Variants in RORA observed in about 807,000 individuals in gnomAD.
The protein encoded by RORA is RAR related orphan receptor A, also known as nuclear receptor ROR-alpha.
Under a neutral mutation model 69.5 loss-of-function variants are expected in RORA, and 7 were observed. The ratio of observed to expected loss-of-function variants is 0.10; its 90% confidence interval spans 0.06 to 0.19. The LOEUF is 0.19. Among genes scored for constraint, RORA ranks in the 10% least tolerant of loss-of-function variants. RORA has a pLI of 1.00. For synonymous variants in RORA, 261 were observed against 240.8 expected (o/e 1.08, Z -0.78); for missense variants, 457 against 663.0 (o/e 0.69, Z 3.41).
At chr15:60,836,195 G>A (rs1358620903) in intron 1 of RORA, among the ~76,000 whole-genome samples, 2 of 152,178 alleles carry the variant, frequency 1.3e-5, no homozygotes, top group Non-Finnish European at 2.9e-5. Flanking sequence ...ATGTCATTCC[G>A]TGGGAAAAGA....
At chr15:60,584,664 A>C (rs1398634679) in intron 2 of RORA, among the ~76,000 whole-genome samples, 1 of 152,236 alleles carries the variant, frequency 6.6e-6, no homozygotes, top group Non-Finnish European at 1.5e-5. Flanking sequence ...TGCTGAAACA[A>C]ATTTATTTAC....
chr15:61,043,474 T>C (rs1896878996), intron 1 of RORA, among the ~76,000 whole-genome samples: 1 of 152,272 alleles, frequency 6.6e-6, no homozygotes, highest in Non-Finnish European at 1.5e-5. Flanking sequence ...AAATGTTTTC[T>C]ACTGTCACTA....
Position 60,954,439 on chromosome 15 carries a change from T to TTA in RORA, c.166+274613_166+274614insTA, listed in dbSNP as rs1555397322. Among the ~76,000 whole-genome samples the TTA allele has an allele frequency of 8.9e-5, 12 of 135,444 alleles. 2 individuals are homozygous for TTA. The South Asian group carries it at 2.6e-3, about 29-fold the overall frequency. 88.9% of individuals were successfully genotyped at this position (135,444 alleles called of 152,430 possible). A position where few individuals can be genotyped will look rare whatever the true frequency, so the allele number is the denominator to read the frequency against. On this transcript the variant is annotated intron_variant, in intron 1 of 10. Transcript: ENST00000335670. Reference sequence around the variant, plus strand: ...CACATGTACCCTAAAACTTAAAGTATAAAAAAAAAAAAAAAGAACTTCCCA... The same window carrying TTA: ...CACATGTACCCTAAAACTTAAAGTATTAAAAAAAAAAAAAAAAGAACTTCCCA...
At chr15:61,067,667 G>A (rs60034353) in intron 1 of RORA, among the ~76,000 whole-genome samples, 1,804 of 152,244 alleles carry the variant, frequency 0.012, 33 homozygotes, top group African/African-American at 0.041. Context: ...TAAATGGTGG[G>A]ACAAGGATTT....
At chr15:61,209,520 T>A (rs1052222814) in intron 1 of RORA, among the ~76,000 whole-genome samples, 4 of 152,252 alleles carry the variant, frequency 2.6e-5, no homozygotes, top group Non-Finnish European at 5.9e-5. Flanking sequence ...TCAACCTATG[T>A]TATGAAATGA....
intron 1 of RORA, among the ~76,000 whole-genome samples, chr15:61,130,214 CA>C (rs2079178741): frequency 6.6e-6 from 1 of 152,142 alleles, no homozygotes; most frequent in Non-Finnish European, 1.5e-5. Flanking sequence ...CTGGTTATTT[CA>C]TCTATAAAAT....
intron 1 of RORA, among the ~76,000 whole-genome samples, chr15:60,709,402 C>A (rs554628256): frequency 6.6e-6 from 1 of 152,288 alleles, no homozygotes; most frequent in South Asian, 2.1e-4. Context: ...AGGATTAACA[C>A]TCGAGCTCCT....
chr15:60,748,670 G>C (rs563238947), intron 1 of RORA, among the ~76,000 whole-genome samples: 3 of 152,116 alleles, frequency 2.0e-5, no homozygotes, highest in Non-Finnish European at 4.4e-5. Context: ...AGGCCTCCCA[G>C]GTCTCAGCCT....
Position 61,032,237 on chromosome 15 carries a change from T to C in RORA, c.166+196816A>G, listed in dbSNP as rs550537167. 2.0e-5 allele frequency among the ~76,000 whole-genome samples: 3 copies of C among 152,306 alleles called. No individual in the cohort carries two copies. In the South Asian group the frequency reaches 6.2e-4, roughly 32 times the overall value. On this transcript the variant is annotated intron_variant, in intron 1 of 10. Coordinates refer to ENST00000335670, the MANE Select transcript of RORA (RefSeq NM_134261.3). ...TTTTACCAGTTGTGGTTACCATTTG[T>C]ACAGATCCCTTAGAAAGCTATAAAA...
intron 1 of RORA, among the ~76,000 whole-genome samples, chr15:60,907,395 CA>C (rs1320638582): frequency 6.6e-6 from 1 of 152,188 alleles, no homozygotes; most frequent in Non-Finnish European, 1.5e-5. Flanking sequence ...AGTCAGGAGT[CA>C]GGGGCCATCC....
At chr15:61,203,970 C>T (rs2079917206) in intron 1 of RORA, among the ~76,000 whole-genome samples, 1 of 152,160 alleles carries the variant, frequency 6.6e-6, no homozygotes, top group Admixed American at 6.5e-5. Context: ...TTCACTGAGG[C>T]TGCTTAGTGT....
intron 2 of RORA, among the ~76,000 whole-genome samples, chr15:60,579,529 A>C (rs1596006461): frequency 6.6e-6 from 1 of 152,218 alleles, no homozygotes; most frequent in Non-Finnish European, 1.5e-5. Flanking sequence ...AAATTACAGT[A>C]CTGTTGATTT....
At chr15:60,942,944 C>T (rs113056867) in intron 1 of RORA, among the ~76,000 whole-genome samples, 1,804 of 152,316 alleles carry the variant, frequency 0.012, 38 homozygotes, top group African/African-American at 0.042. Flanking sequence ...AATTGCAGCT[C>T]ACTGAAGGTC....
chr15:60,765,520 T>TC (rs2071975475), intron 1 of RORA: 1 of 152,112 alleles, frequency 6.6e-6, no homozygotes, highest in African/African-American at 2.4e-5. Flanking sequence ...CACCCCACAA[T>TC]CAAGGCCTTG....
intron 1 of RORA, among the ~76,000 whole-genome samples, chr15:60,757,548 G>T (rs2071820776): frequency 6.6e-6 from 1 of 152,132 alleles, no homozygotes; most frequent in African/African-American, 2.4e-5. Flanking sequence ...ACAGGTTTCA[G>T]CTCCTGTAAG....
chr15:60,802,536 C>T (rs566913166), intron 1 of RORA, among the ~76,000 whole-genome samples: 1 of 152,144 alleles, frequency 6.6e-6, no homozygotes, highest in East Asian at 1.9e-4. Context: ...TTCCATGTTC[C>T]GAAGGAAGAA....
At chr15:60,890,963 C>A (rs1031842999) in intron 1 of RORA, among the ~76,000 whole-genome samples, 1 of 152,176 alleles carries the variant, frequency 6.6e-6, no homozygotes, top group Non-Finnish European at 1.5e-5. Context: ...GAGAAAGCTC[C>A]CTGTTCATGT....
intron 1 of RORA, among the ~76,000 whole-genome samples, chr15:60,741,690 G>A (rs966361915): frequency 1.5e-4 from 23 of 152,142 alleles, no homozygotes; most frequent in African/African-American, 5.1e-4. Flanking sequence ...CATGGGAGCC[G>A]CACCTCATTG....
At chr15:61,088,675 T>C (rs372979942) in intron 1 of RORA, among the ~76,000 whole-genome samples, 8 of 152,264 alleles carry the variant, frequency 5.3e-5, no homozygotes, top group African/African-American at 1.4e-4. Flanking sequence ...AAGGGAGGCA[T>C]GGCTGGGTCT....
Sources: gnomAD v4.1 joint callset for allele counts (sites outside exome capture counted in the v4.1 genomes callset) on GRCh38, gnomAD v4.1.1 for gene constraint, MANE v1.5 for transcripts, NCBI Gene and HGNC (gene_info 2026-07-23, HGNC 2026-07-21) for gene names.